THTPA: variants seen among roughly 807,000 people sequenced by gnomAD.
THTPA encodes thiamine-triphosphatase.
A neutral mutation model predicts 16.5 loss-of-function variants in THTPA; 16 were observed. That is an observed-to-expected ratio of 0.97 (90% CI 0.66 to 1.47). The LOEUF is 1.47. Ranked by LOEUF, THTPA falls within the 40% of genes most tolerant of loss-of-function variation. The pLI, the probability that THTPA is intolerant of heterozygous loss-of-function variation, is 0.00. For synonymous variants in THTPA, 110 were observed against 115.5 expected, an observed-to-expected ratio of 0.95 and a Z score of 0.30; for missense variants, 281 against 280.9, an observed-to-expected ratio of 1.00 and a Z score of 0.00.
the THTPA span, among the ~76,000 whole-genome samples, chr14:23,537,594 C>T: frequency 1.4e-4 from 21 of 152,108 alleles, no homozygotes; most frequent in Middle Eastern, 3.4e-3. Context: ...GTGGGATTAG[C>T]ATGGTAATGA....
At chr14:23,540,765 A>G in the THTPA span, among the ~76,000 whole-genome samples, 2 of 152,228 alleles carry the variant, frequency 1.3e-5, no homozygotes, top group African/African-American at 4.8e-5. Flanking sequence ...AAGACCAGAT[A>G]GGTAACGTGT....
Position 23,559,955 on chromosome 14 carries a change from T to C in THTPA, c.*1115T>C, listed in dbSNP as rs1305878059. 7 of 1,613,324 alleles carry C rather than the reference T, an allele frequency of 4.3e-6. No homozygotes were observed. The South Asian group carries it at 7.7e-5, about 18-fold the overall frequency. ...AAGCTCACCTTGTTAGGATTGAGGATTCTGAAGAGCTGGGTGATAGGAAGG... is the reference window on the plus strand; with the variant it reads ...AAGCTCACCTTGTTAGGATTGAGGACTCTGAAGAGCTGGGTGATAGGAAGG... On this transcript the variant is annotated 3_prime_UTR_variant, in exon 2 of 2. Transcript: ENST00000288014.
chr14:23,520,579 A>ACCTGTCCTGATAAATAC, the THTPA span, among the ~76,000 whole-genome samples: 1 of 152,158 alleles, frequency 6.6e-6, no homozygotes, highest in Non-Finnish European at 1.5e-5. The surrounding 1 kb of genome is among the most constrained non-coding windows in gnomAD (Gnocchi z 8.7). Context: ...AGGGGCTATT[A>ACCTGTCCTGATAAATAC]CCTGTCCTGA....
chr14:23,522,806 C>T, the THTPA span: 1 of 1,536,048 alleles, frequency 6.5e-7, no homozygotes, highest in Non-Finnish European at 8.7e-7. Flanking sequence ...GTCAGTGGTG[C>T]CTGCTGTGGA....
chr14:23,559,089 C>T lies in THTPA; in HGVS notation c.*249C>T, dbSNP rs559633636. Reference sequence around the variant, plus strand: ...CCGCTAAGCAGCCTCCATTGATTTCCGCTCGTGTTTATAGGATTTCCACTT... The same window carrying T: ...CCGCTAAGCAGCCTCCATTGATTTCTGCTCGTGTTTATAGGATTTCCACTT... On this transcript the variant is annotated 3_prime_UTR_variant, in exon 2 of 2. Transcript: ENST00000288014. 42 of 505,834 alleles carry T rather than the reference C, an allele frequency of 8.3e-5. No homozygotes were observed. The highest frequency in any genetic ancestry group is 3.5e-4 in the African/African-American group (18 of 51,776). 31.3% of individuals were successfully genotyped at this position (505,834 alleles called of 1,614,324 possible). A position where few individuals can be genotyped will look rare whatever the true frequency, so the allele number is the denominator to read the frequency against.
At chr14:23,514,983 C>T in the THTPA span, among the ~76,000 whole-genome samples, 2 of 151,972 alleles carry the variant, frequency 1.3e-5, no homozygotes, top group African/African-American at 2.4e-5. Flanking sequence ...GAGCACCATG[C>T]GAAAGGAAAC....
chr14:23,537,710 T>C, the THTPA span, among the ~76,000 whole-genome samples: 1 of 152,162 alleles, frequency 6.6e-6, no homozygotes, highest in East Asian at 1.9e-4. Context: ...AGCCGATTTC[T>C]CGATAACCAG....
the THTPA span, among the ~76,000 whole-genome samples, chr14:23,536,371 T>C: frequency 6.6e-6 from 1 of 152,182 alleles, no homozygotes; most frequent in Admixed American, 6.5e-5. Flanking sequence ...TTGCCAGAGA[T>C]AGGGCATAAT....
the THTPA span, chr14:23,528,628 C>T: frequency 6.1e-6 from 6 of 985,452 alleles, no homozygotes; most frequent in Non-Finnish European, 7.2e-6. Flanking sequence ...AGGGGCCCTA[C>T]CTGTCTGCTC....
rs755119128 is a variant in THTPA at position 23,556,901 on chromosome 14, G to A, written c.144G>A (p.Met48Ile). ...TYYDTPELSL[M>I]QADHWLRRRE... ...ATGACACCCCTGAGCTGAGCCTCAT[G>A]CAGGCTGACCACTGGCTGCGACGAC... The change falls in exon 1 of 2, where the codon ATG becomes ATA. Residue 48 changes from methionine to isoleucine, a missense_variant. By Grantham distance (10) the Met-to-Ile change is conservative. Coordinates refer to ENST00000288014, the MANE Select transcript of THTPA (RefSeq NM_024328.6). The A allele has an allele frequency of 6.2e-7, 1 of 1,614,004 alleles. No individual in the cohort carries two copies. Among genetic ancestry groups the A allele is most frequent in the South Asian group, 1.1e-5 (1 of 91,040 alleles).
the THTPA span, chr14:23,524,159 G>T: frequency 1.3e-6 from 2 of 1,535,906 alleles, no homozygotes; most frequent in African/African-American, 2.7e-5. The surrounding 1 kb of genome is among the most constrained non-coding windows in gnomAD (Gnocchi z 5.6). Flanking sequence ...CGGTTTCACT[G>T]CTGGACTAGG....
chr14:23,518,810 A>G, the THTPA span, among the ~76,000 whole-genome samples: 2 of 152,238 alleles, frequency 1.3e-5, no homozygotes, highest in Non-Finnish European at 2.9e-5. The surrounding 1 kb of genome is among the most constrained non-coding windows in gnomAD (Gnocchi z 4.5). Flanking sequence ...GTGACTTGGC[A>G]TTAGCCTCTA....
the THTPA span, among the ~76,000 whole-genome samples, chr14:23,516,090 T>C: frequency 3.3e-5 from 5 of 152,242 alleles, no homozygotes; most frequent in Admixed American, 1.3e-4. Flanking sequence ...GTCACAGATA[T>C]GGTGCTAAGC....
chr14:23,536,734 G>T, the THTPA span, among the ~76,000 whole-genome samples: 1 of 152,186 alleles, frequency 6.6e-6, no homozygotes, highest in Non-Finnish European at 1.5e-5. Flanking sequence ...AACTAGAAAT[G>T]GACTGATGAG....
At chr14:23,541,827 AT>A in the THTPA span, among the ~76,000 whole-genome samples, 1 of 65,776 alleles carries the variant, frequency 1.5e-5, no homozygotes, top group Non-Finnish European at 2.6e-5. Flanking sequence ...TCATTCTATC[AT>A]CTCTAAATCT....
At position 23,560,024 on chromosome 14, in the gene THTPA, G is replaced by A; in HGVS notation, c.*1184G>A. The A allele has an allele frequency of 6.2e-7, 1 of 1,606,550 alleles. No homozygotes were observed. Among genetic ancestry groups the A allele is most frequent in the South Asian group, 1.1e-5 (1 of 90,454 alleles). On this transcript the variant is annotated 3_prime_UTR_variant, in exon 2 of 2. Coordinates refer to ENST00000288014, the MANE Select transcript of THTPA (RefSeq NM_024328.6). ...GTGTTCCCACTGGGGGCCTGCAGCT[G>A]CAGCTGGAGACTCTGAACACAGGAG...
In THTPA at chr14:23,559,612, G is replaced by A; in HGVS notation, c.*772G>A. ...GCTTTATTGGGCTTTATTTGTGGGA[G>A]AAGGGGGCTGGTCCCCAGTTTTTGC... On this transcript the variant is annotated 3_prime_UTR_variant, in exon 2 of 2. Transcript: ENST00000288014. The A allele has an allele frequency of 2.8e-6, 2 of 702,884 alleles. No individual in the cohort carries two copies. The highest frequency in any genetic ancestry group is 1.8e-5 in the South Asian group (1 of 56,932). The allele number at this position is 702,884 out of a possible 1,614,324, so 43.5% of individuals were successfully genotyped here. A position where few individuals can be genotyped will look rare whatever the true frequency, so the allele number is the denominator to read the frequency against.
the THTPA span, chr14:23,525,017 C>G: frequency 6.5e-7 from 1 of 1,536,200 alleles, no homozygotes; most frequent in Non-Finnish European, 8.7e-7. This position sits in a 1 kb window ranked among gnomAD's most constrained non-coding sequence, Gnocchi z 5.9. Context: ...ATTCTGGAAC[C>G]ACACCACCAC....
At chr14:23,525,215 G>C in the THTPA span, 1 of 1,536,112 alleles carries the variant, frequency 6.5e-7, no homozygotes, top group Non-Finnish European at 8.7e-7. The surrounding 1 kb of genome is among the most constrained non-coding windows in gnomAD (Gnocchi z 5.9). Flanking sequence ...CTCTTCTATG[G>C]GCCAGTGTCC....
Sources: gnomAD v4.1 joint callset for allele counts (sites outside exome capture counted in the v4.1 genomes callset) on GRCh38, gnomAD v4.1.1 for gene constraint, Gnocchi (gnomAD v3.1) non-coding constraint, MANE v1.5 for transcripts, NCBI Gene and HGNC (gene_info 2026-07-23, HGNC 2026-07-21) for gene names.